TUBGCP3: variants seen among roughly 807,000 people sequenced by gnomAD.
TUBGCP3 encodes gamma-tubulin complex component 3.
TUBGCP3 carries 50 observed loss-of-function variants against 123.1 expected under a neutral mutation model. The ratio of observed to expected loss-of-function variants is 0.41; its 90% CI spans 0.32 to 0.51. The LOEUF (loss-of-function observed/expected upper bound fraction) is 0.51. TUBGCP3 is among the 20% of genes least tolerant of loss of function. The pLI, the probability that TUBGCP3 is intolerant of heterozygous loss-of-function variation, is 0.36. For missense variants in TUBGCP3, 882 were observed against 1,127.0 expected, an observed-to-expected ratio of 0.78 and a Z score of 3.11; for synonymous variants, 405 against 413.9, an observed-to-expected ratio of 0.98 and a Z score of 0.26.
intron 14 of TUBGCP3, among the ~76,000 whole-genome samples, chr13:112,521,256 T>C (rs1477925167): frequency 6.6e-6 from 1 of 152,228 alleles, no homozygotes; most frequent in African/African-American, 2.4e-5. Flanking sequence ...TTTCTTTTCT[T>C]ACAAATGTGT....
intron 8 of TUBGCP3, among the ~76,000 whole-genome samples, chr13:112,553,006 C>A (rs918844812): frequency 2.0e-4 from 30 of 150,628 alleles, no homozygotes; most frequent in African/African-American, 6.8e-4. Flanking sequence ...ACATTCTTAC[C>A]CACCACCCAC....
intron 20 of TUBGCP3, among the ~76,000 whole-genome samples, chr13:112,491,192 T>G (rs1244773574): frequency 6.6e-6 from 1 of 152,266 alleles, no homozygotes; most frequent in Non-Finnish European, 1.5e-5. Flanking sequence ...GCTTTTTCTT[T>G]AGGTTTCATT....
intron 20 of TUBGCP3, among the ~76,000 whole-genome samples, chr13:112,494,866 C>T (rs1880422661): frequency 6.6e-6 from 1 of 152,230 alleles, no homozygotes; most frequent in Admixed American, 6.5e-5. Flanking sequence ...TTTGCATTGT[C>T]TTCTTTCGAG....
rs140993551 is a variant in TUBGCP3 at position 112,524,971 on chromosome 13, A to T, written c.1555+1971T>A. Among the ~76,000 whole-genome samples, 1 of 152,162 alleles carries T rather than the reference A, an allele frequency of 6.6e-6. No individual in the cohort carries two copies. The highest frequency in any genetic ancestry group is 2.4e-5 in the African/African-American group (1 of 41,520). On this transcript the variant is annotated intron_variant, in intron 13 of 21. Coordinates refer to ENST00000261965, the MANE Select transcript of TUBGCP3 (RefSeq NM_006322.6). This position sits in a 1 kb window ranked among gnomAD's most constrained non-coding sequence, Gnocchi z 4.4. ...GCTGCCCTTCCGACTTGGCCTCACGAGCTCAGAGTTCTAGTGCCATCACTG... is the reference window on the plus strand; with the variant it reads ...GCTGCCCTTCCGACTTGGCCTCACGTGCTCAGAGTTCTAGTGCCATCACTG...
the TUBGCP3 span, among the ~76,000 whole-genome samples, chr13:112,599,129 G>C: frequency 6.6e-6 from 1 of 152,198 alleles, no homozygotes; most frequent in East Asian, 1.9e-4. Flanking sequence ...GTAAAGTACA[G>C]TTCTGATCGC....
rs1881200997 is a variant in TUBGCP3, at chr13:112,569,064, T to C, written c.184+88A>G. 7.4e-6 allele frequency: 9 copies of C among 1,224,032 alleles called. 1 individual carries two copies. In the East Asian group the frequency reaches 2.2e-4, roughly 30 times the overall value. The allele number at this position is 1,224,032 out of a possible 1,614,324, so 75.8% of individuals were successfully genotyped here. ...TATTAAAATGCGCTTGGGAACTACATACACACCTACACACATGCATACATA... is the reference window on the plus strand; with the variant it reads ...TATTAAAATGCGCTTGGGAACTACACACACACCTACACACATGCATACATA... On this transcript the variant is annotated intron_variant, in intron 2 of 21. Coordinates refer to ENST00000261965, the MANE Select transcript of TUBGCP3 (RefSeq NM_006322.6).
the TUBGCP3 span, chr13:112,603,675 G>C: frequency 6.6e-6 from 1 of 152,270 alleles, no homozygotes; most frequent in Non-Finnish European, 1.5e-5. Context: ...GCAGTGAGCT[G>C]AGATCGCGCC....
rs376881961 is a variant in TUBGCP3, at chr13:112,527,279, C to T, written c.1446+95G>A. 1.6e-5 allele frequency: 15 copies of T among 948,300 alleles called. No homozygotes were observed. In the East Asian group the frequency reaches 2.2e-4, roughly 14 times the overall value. The allele number at this position is 948,300 out of a possible 1,614,324, so 58.7% of individuals were successfully genotyped here. ...CTCCAGAACGTTAACAATCTCAAAA[C>T]GCATGAAATTTTAACTGAAAATTGG... On this transcript the variant is annotated intron_variant, in intron 12 of 21. Transcript: ENST00000261965.
chr13:112,505,959 C>A (rs753007669), intron 17 of TUBGCP3, among the ~76,000 whole-genome samples: 40 of 152,100 alleles, frequency 2.6e-4, no homozygotes, highest in Non-Finnish European at 4.7e-4. Context: ...CACAGAGGCT[C>A]AGGTGAGGGA....
the TUBGCP3 span, among the ~76,000 whole-genome samples, chr13:112,595,505 C>T: frequency 2.6e-5 from 4 of 152,152 alleles, no homozygotes; most frequent in Non-Finnish European, 5.9e-5. Context: ...CCAATTAATA[C>T]ATTTTGCAGC....
At position 112,570,458 on chromosome 13, in the gene TUBGCP3, T is replaced by C. The variant is rs570741953; in HGVS notation, c.77-1199A>G. The stretch of plus-strand genomic sequence containing the variant: ...GTGCATATAAAAGTTAGGTTTAATA[T>C]ACTGTGGTCTGTTAAGTGTGGAACA... On this transcript the variant is annotated intron_variant, in intron 1 of 21. Coordinates refer to ENST00000261965, the MANE Select transcript of TUBGCP3 (RefSeq NM_006322.6). Among the ~76,000 whole-genome samples the C allele has an allele frequency of 3.9e-4, 60 of 152,364 alleles. 1 individual carries two copies. Among genetic ancestry groups the C allele is most frequent in the Admixed American group, 3.8e-3 (58 of 15,310 alleles).
chr13:112,586,793 C>CG (rs898644104), intron 1 of TUBGCP3, among the ~76,000 whole-genome samples: 4 of 151,992 alleles, frequency 2.6e-5, no homozygotes, highest in African/African-American at 7.3e-5. Context: ...GCACAGTTCC[C>CG]GGGGGGAACT....
chr13:112,560,395 A>G (rs942527647), intron 3 of TUBGCP3, among the ~76,000 whole-genome samples: 1 of 150,148 alleles, frequency 6.7e-6, no homozygotes, highest in Non-Finnish European at 1.5e-5. Context: ...CCGCCACTGC[A>G]CTCCAGCCTG....
the TUBGCP3 span, chr13:112,604,941 A>G: frequency 6.6e-6 from 1 of 152,198 alleles, no homozygotes; most frequent in African/African-American, 2.4e-5. Context: ...CCCTCTTCAA[A>G]CATGACATCT....
chr13:112,548,230 G>A (rs747017975), intron 8 of TUBGCP3, 54 bp from the exon 9 acceptor site: 8 of 1,400,268 alleles, frequency 5.7e-6, no homozygotes, highest in Non-Finnish European at 7.9e-6. Context: ...CACATTGACT[G>A]ATTTTAAGTG....
At chr13:112,542,443 T>TACC (rs1285140584) in intron 11 of TUBGCP3, among the ~76,000 whole-genome samples, 1 of 152,252 alleles carries the variant, frequency 6.6e-6, no homozygotes, top group African/African-American at 2.4e-5. Flanking sequence ...CTTAGCACCT[T>TACC]ACCATTGTGA....
chr13:112,559,528 A>G (rs541758819), intron 3 of TUBGCP3, 129 bp from the exon 4 acceptor site: 2 of 747,786 alleles, frequency 2.7e-6, no homozygotes, highest in East Asian at 6.2e-5. Flanking sequence ...GTCAAATCTA[A>G]CAATTCATAA....
At position 112,495,571 on chromosome 13, in the gene TUBGCP3, T is replaced by A. The variant is rs553432528; in HGVS notation, c.2448+3474A>T. Among the ~76,000 whole-genome samples the A allele has an allele frequency of 8.5e-5, 13 of 152,348 alleles. No individual in the cohort carries two copies. In the South Asian group the frequency reaches 2.3e-3, roughly 27 times the overall value. On this transcript the variant is annotated intron_variant, in intron 20 of 21. Coordinates refer to ENST00000261965, the MANE Select transcript of TUBGCP3 (RefSeq NM_006322.6). ...AATTACAATATCTTTATTAGAATGA[T>A]AACAGGGAGGGTTCTATTCTTGGAA...
intron 3 of TUBGCP3, among the ~76,000 whole-genome samples, chr13:112,563,127 C>T (rs1282254325): frequency 6.6e-6 from 1 of 152,218 alleles, no homozygotes; most frequent in Non-Finnish European, 1.5e-5. Context: ...CAGCACTCTA[C>T]TCCCGTCTCC....
Sources: allele counts gnomAD v4.1 joint callset (sites outside exome capture counted in the v4.1 genomes callset), GRCh38; gene constraint gnomAD v4.1.1; non-coding constraint Gnocchi (gnomAD v3.1); transcripts MANE v1.5; gene names NCBI Gene and HGNC (gene_info 2026-07-23, HGNC 2026-07-21).